Variants in POLI observed in about 807,000 individuals in gnomAD.
POLI encodes the protein RAD30 homolog B.
In POLI, 58 loss-of-function variants were observed where a neutral mutation model predicts 51.6. The observed-to-expected ratio is 1.12, with a 90% CI of 0.91 to 1.40. POLI has a LOEUF of 1.40. POLI is among the 40% of genes most tolerant of loss of function. The pLI is 0.00. For missense variants in POLI, 921 were observed against 871.3 expected, an observed-to-expected ratio of 1.06 and a Z score of -0.72; for synonymous variants, 322 against 299.7, an observed-to-expected ratio of 1.07 and a Z score of -0.77.
chr18:54,286,117 A>T (rs1042037484), intron 7 of POLI, among the ~76,000 whole-genome samples: 9 of 152,066 alleles, frequency 5.9e-5, no homozygotes, highest in Non-Finnish European at 1.5e-5. Context: ...TCCCACCTCA[A>T]CTTCCCAAAG....
intron 4 of POLI, among the ~76,000 whole-genome samples, chr18:54,280,432 T>G (rs966074652): frequency 1.3e-5 from 2 of 152,092 alleles, no homozygotes; most frequent in Admixed American, 6.6e-5. Flanking sequence ...TCATGAGGGA[T>G]CCACCCCTGT....
At chr18:54,291,150 C>A (rs560852) in intron 8 of POLI, among the ~76,000 whole-genome samples, 117,080 of 152,094 alleles carry the variant, frequency 0.77, 45,879 homozygotes, top group African/African-American at 0.93. Flanking sequence ...TAGGGTTGTA[C>A]GGGGAGCCTA....
intron 4 of POLI, among the ~76,000 whole-genome samples, chr18:54,280,186 A>G (rs2087433770): frequency 2.0e-5 from 3 of 152,204 alleles, no homozygotes; most frequent in Non-Finnish European, 1.5e-5. Context: ...TATAAAGAAA[A>G]AAAGGTTTAT....
intron 3 of POLI, chr18:54,275,138 A>G (rs2087182374): frequency 6.6e-6 from 1 of 152,238 alleles, no homozygotes; most frequent in African/African-American, 2.4e-5. Flanking sequence ...ATCCAGTGAT[A>G]TCATTGCTGG....
intron 3 of POLI, 123 bp from the exon 4 acceptor site, chr18:54,277,580 G>A (rs514489): frequency 0.061 from 35,052 of 579,100 alleles, 1,290 homozygotes; most frequent in African/African-American, 0.088. Flanking sequence ...AAGATATTAT[G>A]GAACTATGAA....
chr18:54,279,570 AGTT>A (rs1406687246), intron 4 of POLI, among the ~76,000 whole-genome samples: 1 of 152,004 alleles, frequency 6.6e-6, no homozygotes, highest in African/African-American at 2.4e-5. Flanking sequence ...TAGATAAACC[AGTT>A]GTTATCGTTT....
intron 3 of POLI, among the ~76,000 whole-genome samples, chr18:54,309,314 T>A (rs990948753): frequency 5.3e-5 from 8 of 152,248 alleles, no homozygotes; most frequent in Non-Finnish European, 7.3e-5. Flanking sequence ...CCTTTCTGTT[T>A]GTTAGTTTTC....
rs1266796013 is a variant in POLI, at chr18:54,297,343, A to AT, written c.*2882dup. On this transcript the variant is annotated 3_prime_UTR_variant, in exon 10 of 10. Transcript: ENST00000579534. ...GAATGTAGAGGGTATTTTTATTTTT[A>AT]TTTTTTCTGTTTCTCTCTTGAGTGT... 4.2e-6 allele frequency: 4 copies of AT among 950,650 alleles called. No homozygotes were observed. Among genetic ancestry groups the AT allele is most frequent in the Non-Finnish European group, 4.9e-6 (4 of 814,700 alleles). 58.9% of individuals were successfully genotyped at this position (950,650 alleles called of 1,614,324 possible).
chr18:54,301,799 C>T (rs1412822246), downstream of POLI, among the ~76,000 whole-genome samples: 1 of 152,114 alleles, frequency 6.6e-6, no homozygotes, highest in Non-Finnish European at 1.5e-5. Context: ...GTAGGGCTCA[C>T]CTCATTTGCT....
At position 54,297,895 on chromosome 18, in the gene POLI, A is replaced by T. The variant is rs1376550406; in HGVS notation, c.*3428A>T. ...GCTTACCTTTTTTCTTGTGTGTCAG[A>T]TGTTCCTTCTAGGTAGAATTCTTTA... is the stretch of plus-strand genomic sequence containing the variant. On this transcript the variant is annotated 3_prime_UTR_variant, in exon 10 of 10. Transcript: ENST00000579534. 2 of 982,656 alleles carry T rather than the reference A, an allele frequency of 2.0e-6. No individual in the cohort carries two copies. Among genetic ancestry groups the T allele is most frequent in the Non-Finnish European group, 2.4e-6 (2 of 827,472 alleles). 60.9% of individuals were successfully genotyped at this position (982,656 alleles called of 1,614,324 possible). A position where few individuals can be genotyped will look rare whatever the true frequency, so the allele number is the denominator to read the frequency against.
At chr18:54,305,254 TG>T (rs1448062732) in intron 3 of POLI, among the ~76,000 whole-genome samples, 1 of 152,250 alleles carries the variant, frequency 6.6e-6, no homozygotes. Context: ...GGCTCTTTTT[TG>T]GTTCCATATG....
chr18:54,313,643 GT>G (rs2088697804), intron 3 of POLI, among the ~76,000 whole-genome samples: 1 of 152,032 alleles, frequency 6.6e-6, no homozygotes, highest in South Asian at 2.1e-4. Flanking sequence ...ACAGTGTTTT[GT>G]AATTCTCATT....
chr18:54,283,166 G>T (rs2087593671), intron 6 of POLI, among the ~76,000 whole-genome samples, 151 bp downstream of exon 6: 1 of 152,020 alleles, frequency 6.6e-6, no homozygotes, highest in Non-Finnish European at 1.5e-5. Context: ...TAATAGATTG[G>T]ATTAATAAGT....
intron 3 of POLI, 30 bp downstream of exon 3, chr18:54,274,120 A>G: frequency 8.3e-7 from 1 of 1,198,734 alleles, no homozygotes; most frequent in Non-Finnish European, 1.1e-6. Context: ...TACTTTTAGC[A>G]TTAATTTTTA....
rs780395071 is a variant in POLI at position 54,297,649 on chromosome 18, A to T, written c.*3182A>T. The T allele has an allele frequency of 6.1e-6, 6 of 979,596 alleles. No homozygotes were observed. The highest frequency in any genetic ancestry group is 7.3e-6 in the Non-Finnish European group (6 of 824,928). 60.7% of individuals were successfully genotyped at this position (979,596 alleles called of 1,614,324 possible). A position where few individuals can be genotyped will look rare whatever the true frequency, so the allele number is the denominator to read the frequency against. Reference sequence around the variant, plus strand: ...TGGGATCAGTTGGGTTTTCTATTTAATCATATATTTTCCCTTTACTGATTT... The same window carrying T: ...TGGGATCAGTTGGGTTTTCTATTTATTCATATATTTTCCCTTTACTGATTT... On this transcript the variant is annotated 3_prime_UTR_variant, in exon 10 of 10. Coordinates refer to ENST00000579534, the MANE Select transcript of POLI (RefSeq NM_007195.3).
At chr18:54,305,888 A>G (rs537933297) in intron 3 of POLI, among the ~76,000 whole-genome samples, 98 of 152,046 alleles carry the variant, frequency 6.4e-4, no homozygotes, top group African/African-American at 2.3e-3. Context: ...CCTCCTGAGT[A>G]GCTGGGACTA....
rs565262983 is a variant in POLI, at chr18:54,282,233, A to C, written c.797-604A>C. ...GATTTCTGAATATTTCTGGAATATT[A>C]CATAACAGGTGGTAAAATTTTTGTT... is the stretch of plus-strand genomic sequence containing the variant. On this transcript the variant is annotated intron_variant, in intron 5 of 9. Transcript: ENST00000579534. Among the ~76,000 whole-genome samples, 7 of 152,304 alleles carry C rather than the reference A, an allele frequency of 4.6e-5. No individual in the cohort carries two copies. The East Asian group carries it at 1.2e-3, about 25-fold the overall frequency.
intron 1 of POLI, 74 bp downstream of exon 1, chr18:54,269,735 G>A: frequency 2.1e-6 from 3 of 1,409,530 alleles, no homozygotes; most frequent in Non-Finnish European, 2.8e-6. Flanking sequence ...GACGCTCGGG[G>A]CGGCGGCCAC....
chr18:54,315,342 T>C (rs1187172812), intron 3 of POLI, among the ~76,000 whole-genome samples: 5 of 152,132 alleles, frequency 3.3e-5, no homozygotes, highest in Admixed American at 2.0e-4. Context: ...TGATTTCAAT[T>C]TTTTTTCAAT....
Sources: gnomAD v4.1 joint callset for allele counts (sites outside exome capture counted in the v4.1 genomes callset) on GRCh38, gnomAD v4.1.1 for gene constraint, MANE v1.5 for transcripts, NCBI Gene and HGNC (gene_info 2026-07-23, HGNC 2026-07-21) for gene names.